Variants in EBF1 observed in about 807,000 individuals in gnomAD.
EBF1 encodes the protein EBF transcription factor 1, also known as transcription factor COE1.
Under a neutral mutation model 68.4 loss-of-function variants are expected in EBF1, and 10 were observed. The ratio of observed to expected loss-of-function variants is 0.15; its 90% confidence interval spans 0.09 to 0.25. The LOEUF is 0.25. Among genes scored for constraint, EBF1 ranks in the 10% least tolerant of loss-of-function variants. The probability of loss-of-function intolerance (pLI) is 1.00; values close to 1 mark genes in which losing one functional copy is unlikely to be tolerated. For missense variants in EBF1, 509 were observed against 794.4 expected (o/e 0.64, Z 4.32); for synonymous variants, 298 against 299.8 (o/e 0.99, Z 0.06).
chr5:158,921,532 G>A (rs1419500085), intron 6 of EBF1, among the ~76,000 whole-genome samples: 1 of 152,166 alleles, frequency 6.6e-6, no homozygotes, highest in African/African-American at 2.4e-5. Context: ...TCAGCAGATA[G>A]TCCTGCCAAA....
intron 6 of EBF1, among the ~76,000 whole-genome samples, chr5:158,942,975 G>A (rs1233878235): frequency 8.2e-6 from 1 of 121,496 alleles, no homozygotes; most frequent in African/African-American, 3.1e-5. Context: ...GGGAAGGAGG[G>A]AAGGAGGAAG....
Position 158,917,323 on chromosome 5 carries a change from C to T in EBF1, c.555-77213G>A, listed in dbSNP as rs186005868. On this transcript the variant is annotated intron_variant, in intron 6 of 15. Coordinates refer to ENST00000313708, the MANE Select transcript of EBF1 (RefSeq NM_024007.5). ...CCCTCATTCTTTCCAGCAATACAAG[C>T]AATTCTTGTCCTCCTTACTCCTTTC... Among the ~76,000 whole-genome samples, 568 of 152,302 alleles carry T rather than the reference C, an allele frequency of 3.7e-3. 2 individuals are homozygous for T. The highest frequency in any genetic ancestry group is 0.012 in the African/African-American group (509 of 41,566).
At chr5:158,940,399 T>C (rs6893379) in intron 6 of EBF1, among the ~76,000 whole-genome samples, 1 of 152,078 alleles carries the variant, frequency 6.6e-6, no homozygotes, top group Non-Finnish European at 1.5e-5. Context: ...AACTGTGGTA[T>C]CCTAGGCCAC....
At chr5:159,051,807 T>C (rs1409940440) in intron 6 of EBF1, among the ~76,000 whole-genome samples, 1 of 152,138 alleles carries the variant, frequency 6.6e-6, no homozygotes, top group African/African-American at 2.4e-5. Context: ...GCCAGCAGTT[T>C]GCCCTCATTC....
intron 6 of EBF1, among the ~76,000 whole-genome samples, chr5:158,974,032 T>C (rs1189101276): frequency 6.6e-6 from 1 of 152,192 alleles, no homozygotes; most frequent in African/African-American, 2.4e-5. Flanking sequence ...CATGCCTCCA[T>C]TGTAGATTTG....
intron 10 of EBF1, among the ~76,000 whole-genome samples, chr5:158,747,736 A>G (rs1198891611): frequency 6.6e-6 from 1 of 152,194 alleles, no homozygotes; most frequent in Non-Finnish European, 1.5e-5. Context: ...TGGAAATGAG[A>G]TAAGAATAGT....
At chr5:159,015,536 G>GGGCC (rs1272523205) in intron 6 of EBF1, among the ~76,000 whole-genome samples, 4 of 152,166 alleles carry the variant, frequency 2.6e-5, no homozygotes, top group Non-Finnish European at 5.9e-5. Context: ...AAGTTGTCTT[G>GGGCC]GGCCGGGCTG....
intron 6 of EBF1, among the ~76,000 whole-genome samples, chr5:158,973,654 AC>A (rs1393137546): frequency 2.6e-5 from 4 of 152,210 alleles, no homozygotes; most frequent in African/African-American, 9.6e-5. Flanking sequence ...TGGGAGCAGG[AC>A]CCTATTATCA....
chr5:158,812,114 A>T (rs1782785724), intron 8 of EBF1, among the ~76,000 whole-genome samples: 1 of 152,216 alleles, frequency 6.6e-6, no homozygotes. Context: ...TAATGCTAAC[A>T]ACTGTCCCTG....
chr5:158,812,750 C>T (rs1782925821), intron 8 of EBF1, among the ~76,000 whole-genome samples: 1 of 152,074 alleles, frequency 6.6e-6, no homozygotes, highest in Admixed American at 6.6e-5. Context: ...CCAGCTGGTT[C>T]CGTATGTATT....
chr5:158,829,884 C>T (rs1185586653), intron 7 of EBF1, among the ~76,000 whole-genome samples: 1 of 152,164 alleles, frequency 6.6e-6, no homozygotes, highest in Non-Finnish European at 1.5e-5. Flanking sequence ...AGTAAGGCTG[C>T]ATACTGAAAT....
intron 6 of EBF1, among the ~76,000 whole-genome samples, chr5:158,920,153 ATGTGTGTG>A (rs139876400): frequency 1.3e-5 from 2 of 151,142 alleles, no homozygotes; most frequent in Admixed American, 1.3e-4. Context: ...TTATATACAT[ATGTGTGTG>A]TGTGTGTGTA....
At position 159,099,582 on chromosome 5, in the gene EBF1, C is replaced by T; in HGVS notation, c.-104G>A. 3.0e-6 allele frequency: 4 copies of T among 1,343,654 alleles called. No individual in the cohort carries two copies. Among genetic ancestry groups the T allele is most frequent in the Middle Eastern group, 2.5e-4 (1 of 3,994 alleles). 83.2% of individuals were successfully genotyped at this position (1,343,654 alleles called of 1,614,324 possible). On this transcript the variant is annotated 5_prime_UTR_variant, in exon 1 of 16. Transcript: ENST00000313708. ...AAAAGAAAAGAAACAAAAACGCCAA[C>T]CAGAGATTTTTTTTTTTCTCAGACG...
At chr5:158,878,847 T>G (rs1798297348) in intron 6 of EBF1, among the ~76,000 whole-genome samples, 1 of 152,108 alleles carries the variant, frequency 6.6e-6, no homozygotes, top group Non-Finnish European at 1.5e-5. Flanking sequence ...TTTCACCATG[T>G]TGGCCAGGGT....
rs568525943 is a variant in EBF1, at chr5:158,979,956, C to T, written c.554+93440G>A. Among the ~76,000 whole-genome samples, 573 of 152,252 alleles carry T rather than the reference C, an allele frequency of 3.8e-3. 6 individuals are homozygous for T. Among genetic ancestry groups the T allele is most frequent in the African/African-American group, 0.013 (551 of 41,550 alleles). On this transcript the variant is annotated intron_variant, in intron 6 of 15. Coordinates refer to ENST00000313708, the MANE Select transcript of EBF1 (RefSeq NM_024007.5). The stretch of plus-strand genomic sequence containing the variant: ...TGCAGCATCATTGCTTTCCTCTACC[C>T]ACAAGTCACTGGGAGTGTTTTGTTT...
intron 6 of EBF1, among the ~76,000 whole-genome samples, chr5:158,922,918 G>A (rs778711124): frequency 6.6e-6 from 1 of 152,186 alleles, no homozygotes; most frequent in Non-Finnish European, 1.5e-5. Context: ...ATTCACAATG[G>A]ACTTTTTGAG....
intron 6 of EBF1, among the ~76,000 whole-genome samples, chr5:158,969,704 G>A (rs568311519): frequency 6.6e-5 from 10 of 151,674 alleles, no homozygotes; most frequent in African/African-American, 2.4e-4. Context: ...GAGCCCTGGA[G>A]GTTAAGCCTG....
intron 6 of EBF1, among the ~76,000 whole-genome samples, chr5:158,861,177 G>A (rs1024023451): frequency 1.3e-5 from 2 of 152,048 alleles, no homozygotes; most frequent in African/African-American, 4.8e-5. Flanking sequence ...GCATTATCAA[G>A]AATCTTACTC....
chr5:159,080,006 C>G lies in EBF1; in HGVS notation c.485+4660G>C, dbSNP rs149307186. 1.1e-3 allele frequency among the ~76,000 whole-genome samples: 166 copies of G among 152,226 alleles called. 3 individuals are homozygous for G. In the East Asian group the frequency reaches 0.024, roughly 22 times the overall value. On this transcript the variant is annotated intron_variant, in intron 5 of 15. Coordinates refer to ENST00000313708, the MANE Select transcript of EBF1 (RefSeq NM_024007.5). ...CTTCTTGCTAAGCGTGATTATTCCCCCCAAGAATATAGCCATGCCTTCTCT... is the reference window on the plus strand; with the variant it reads ...CTTCTTGCTAAGCGTGATTATTCCCGCCAAGAATATAGCCATGCCTTCTCT...
Sources: allele counts gnomAD v4.1 joint callset (sites outside exome capture counted in the v4.1 genomes callset), GRCh38; gene constraint gnomAD v4.1.1; transcripts MANE v1.5; gene names NCBI Gene and HGNC (gene_info 2026-07-23, HGNC 2026-07-21).